The following FLNB variants were observed in gnomAD, a reference collection of about 807,000 sequenced individuals.
The protein encoded by FLNB is filamin-B.
A neutral mutation model predicts 250.6 loss-of-function variants in FLNB; 111 were observed. The ratio of observed to expected loss-of-function variants is 0.44; its 90% CI spans 0.38 to 0.52. The LOEUF (loss-of-function observed/expected upper bound fraction) is 0.52, where lower values mean the gene tolerates loss of function less well. FLNB is among the 20% of genes least tolerant of loss of function. FLNB has a pLI of 0.00. For missense variants in FLNB, 2,869 were observed against 3,447.8 expected (o/e 0.83, Z 4.20); for synonymous variants, 1,302 against 1,372.1 (o/e 0.95, Z 1.13).
intron 11 of FLNB, among the ~76,000 whole-genome samples, chr3:58,106,096 T>C (rs1350234936): frequency 6.6e-6 from 1 of 152,144 alleles, no homozygotes; most frequent in Non-Finnish European, 1.5e-5. Context: ...TTCCATAGCT[T>C]CCATGGAATT....
chr3:58,126,285 C>T (rs2097297699), intron 23 of FLNB, among the ~76,000 whole-genome samples: 1 of 152,108 alleles, frequency 6.6e-6, no homozygotes, highest in African/African-American at 2.4e-5. Context: ...GAGGCTGAGG[C>T]ATGTGAATTG....
intron 1 of FLNB, among the ~76,000 whole-genome samples, chr3:58,011,140 C>T (rs1396824636): frequency 1.3e-5 from 2 of 152,166 alleles, no homozygotes; most frequent in Non-Finnish European, 2.9e-5. Flanking sequence ...GTCTCGAACT[C>T]TTGACCTCAT....
intron 38 of FLNB, among the ~76,000 whole-genome samples, chr3:58,151,996 A>G (rs28729432): frequency 0.2 from 30,364 of 152,212 alleles, 3,561 homozygotes; most frequent in Middle Eastern, 0.34. Context: ...TACTAGTGAT[A>G]TGTGTACTGT....
intron 1 of FLNB, among the ~76,000 whole-genome samples, chr3:58,054,385 T>G (rs1474146696): frequency 6.6e-6 from 1 of 152,188 alleles, no homozygotes; most frequent in African/African-American, 2.4e-5. Context: ...TTGCAGAAAC[T>G]TCTATTGAAC....
intron 1 of FLNB, among the ~76,000 whole-genome samples, chr3:58,062,881 G>A (rs2097180507): frequency 6.6e-6 from 1 of 152,260 alleles, no homozygotes; most frequent in Admixed American, 6.5e-5. Context: ...ATGCCAACGG[G>A]GAGGCACCCT....
chr3:58,035,539 G>C (rs2097136879), intron 1 of FLNB, among the ~76,000 whole-genome samples: 2 of 152,118 alleles, frequency 1.3e-5, no homozygotes, highest in South Asian at 4.1e-4. Flanking sequence ...AAGAAATAAT[G>C]AATGTGTGAG....
chr3:58,100,550 T>C (rs1400887131), intron 8 of FLNB, among the ~76,000 whole-genome samples: 4 of 149,756 alleles, frequency 2.7e-5, no homozygotes, highest in Non-Finnish European at 4.4e-5. Context: ...CCACCATGCC[T>C]GGTTACATTT....
intron 4 of FLNB, among the ~76,000 whole-genome samples, chr3:58,086,146 C>G (rs1163251046): frequency 7.1e-6 from 1 of 141,732 alleles, no homozygotes; most frequent in Non-Finnish European, 1.5e-5. Flanking sequence ...CAGGTGTGCA[C>G]CACCATGTCC....
chr3:58,136,454 T>C (rs1474560449), intron 28 of FLNB, among the ~76,000 whole-genome samples: 4 of 152,172 alleles, frequency 2.6e-5, no homozygotes, highest in African/African-American at 9.7e-5. Flanking sequence ...TAACTATTAT[T>C]ATATGCTTTT....
At position 58,169,576 on chromosome 3, in the gene FLNB, C is replaced by G. The variant is rs764933138; in HGVS notation, c.7418-14C>G. ...TGGCCATTCATGCCTGTCCCCCTCCCTCCTGTATCTTAGGCCAGCGTCTAG... is the reference window on the plus strand; with the variant it reads ...TGGCCATTCATGCCTGTCCCCCTCCGTCCTGTATCTTAGGCCAGCGTCTAG... On this transcript the variant is annotated splice_polypyrimidine_tract_variant and intron_variant, in intron 44 of 45. Transcript: ENST00000295956. The surrounding 1 kb of genome is among the most constrained non-coding windows in gnomAD (Gnocchi z 4.8). The G allele has an allele frequency of 6.2e-7, 1 of 1,610,682 alleles. No individual in the cohort carries two copies. Among genetic ancestry groups the G allele is most frequent in the Admixed American group, 1.7e-5 (1 of 60,006 alleles).
chr3:58,093,633 TCACACACACA>T (rs3060336), intron 4 of FLNB, among the ~76,000 whole-genome samples: 38 of 149,474 alleles, frequency 2.5e-4, no homozygotes, highest in African/African-American at 3.9e-4. Flanking sequence ...ATACTTATGT[TCACACACACA>T]CACACACACA....
In FLNB at chr3:58,108,516, A is replaced by G. The variant is rs2097263405; in HGVS notation, c.2000A>G (p.Glu667Gly). 1.9e-6 allele frequency: 3 copies of G among 1,614,198 alleles called. No homozygotes were observed. Among genetic ancestry groups the G allele is most frequent in the Non-Finnish European group, 2.5e-6 (3 of 1,180,018 alleles). ...GGATGCATTGTCAACAACCTGGCCG[A>G]GTTCACTGTGGATCCTAAGGATGCT... is the stretch of plus-strand genomic sequence containing the variant. ...KSGCIVNNLA[E>G]FTVDPKDAGK... The change falls in exon 13 of 46, where the codon GAG becomes GGG. Residue 667 changes from glutamate (E) to glycine (G), a missense_variant. By Grantham distance (98) the Glu-to-Gly change is moderately conservative. Coordinates refer to ENST00000295956, the MANE Select transcript of FLNB (RefSeq NM_001457.4).
chr3:58,132,072 G>T, intron 25 of FLNB: 1 of 1,236,116 alleles, frequency 8.1e-7, no homozygotes, highest in Non-Finnish European at 1.1e-6. Flanking sequence ...CTTCTTGCTG[G>T]CCTCACTTCT....
chr3:58,142,474 C>T lies in FLNB; in HGVS notation c.5182-176C>T, dbSNP rs1372794531. On this transcript the variant is annotated intron_variant, in intron 30 of 45. Coordinates refer to ENST00000295956, the MANE Select transcript of FLNB (RefSeq NM_001457.4). The surrounding 1 kb of genome is among the most constrained non-coding windows in gnomAD (Gnocchi z 4.3). Reference sequence around the variant, plus strand: ...GGTCAGCATGACCTCTCCAGTCCCTCAGGTTCTACCCTGGGTCTGGAGCCA... The same window carrying T: ...GGTCAGCATGACCTCTCCAGTCCCTTAGGTTCTACCCTGGGTCTGGAGCCA... Among the ~76,000 whole-genome samples, 1 of 152,230 alleles carries T rather than the reference C, an allele frequency of 6.6e-6. No homozygotes were observed. Among genetic ancestry groups the T allele is most frequent in the Non-Finnish European group, 1.5e-5 (1 of 68,042 alleles).
In FLNB at chr3:58,050,611, C is replaced by T. The variant is rs557678787; in HGVS notation, c.293-26435C>T. Among the ~76,000 whole-genome samples, 30 of 152,326 alleles carry T rather than the reference C, an allele frequency of 2.0e-4. No homozygotes were observed. In the South Asian group the frequency reaches 6.2e-3, roughly 32 times the overall value. Reference sequence around the variant, plus strand: ...CCAGCTGAAGTACTGATTACCTGCACACTATACCAGTGAGGACTCATGGGT... The same window carrying T: ...CCAGCTGAAGTACTGATTACCTGCATACTATACCAGTGAGGACTCATGGGT... On this transcript the variant is annotated intron_variant, in intron 1 of 45. Transcript: ENST00000295956.
chr3:58,051,596 G>C (rs2097162502), intron 1 of FLNB, among the ~76,000 whole-genome samples: 1 of 152,148 alleles, frequency 6.6e-6, no homozygotes, highest in Non-Finnish European at 1.5e-5. Context: ...GGTAGACCCA[G>C]CTGGAAAGCT....
At chr3:58,108,406 G>T in intron 12 of FLNB, 52 bp from the exon 13 acceptor site, 1 of 1,172,660 alleles carries the variant, frequency 8.5e-7, no homozygotes, top group Non-Finnish European at 1.3e-6. Context: ...TTGTATAAGG[G>T]TTTAGTTGGG....
intron 4 of FLNB, among the ~76,000 whole-genome samples, chr3:58,092,108 T>G (rs892686052): frequency 1.3e-5 from 2 of 152,182 alleles, no homozygotes; most frequent in African/African-American, 4.8e-5. Flanking sequence ...CAGTTTCTGC[T>G]GAAGAGAACG....
intron 15 of FLNB, 107 bp from the exon 16 acceptor site, chr3:58,109,903 C>T (rs1021794597): frequency 1.6e-5 from 24 of 1,479,032 alleles, no homozygotes; most frequent in Middle Eastern, 2.2e-4. Flanking sequence ...AGGTTTCTTA[C>T]TAGAAACTTC....
Sources: gnomAD v4.1 joint callset for allele counts (sites outside exome capture counted in the v4.1 genomes callset) on GRCh38, gnomAD v4.1.1 for gene constraint, Gnocchi (gnomAD v3.1) non-coding constraint, MANE v1.5 for transcripts, NCBI Gene and HGNC (gene_info 2026-07-23, HGNC 2026-07-21) for gene names.